GLRA1: variants seen among roughly 807,000 people sequenced by gnomAD.
The protein encoded by GLRA1 is glycine receptor subunit alpha-1.
A neutral mutation model predicts 48.3 loss-of-function variants in GLRA1; 37 were observed. The ratio of observed to expected loss-of-function variants is 0.77; its 90% CI spans 0.59 to 1.01. GLRA1 has a LOEUF of 1.01. Ranked by LOEUF, GLRA1 falls within the 50% of genes least tolerant of loss-of-function variation. The pLI is 0.00. For missense variants in GLRA1, 427 were observed against 571.0 expected (o/e 0.75, Z 2.57); for synonymous variants, 196 against 210.7 (o/e 0.93, Z 0.60).
intron 8 of GLRA1, among the ~76,000 whole-genome samples, chr5:151,824,802 A>G (rs1763230039): frequency 1.3e-5 from 2 of 152,132 alleles, no homozygotes; most frequent in Admixed American, 1.3e-4. Context: ...CTCTTACTAG[A>G]TTATAAGCTC....
At position 151,845,936 on chromosome 5, in the gene GLRA1, C is replaced by G. The variant is rs1283078476; in HGVS notation, c.912+5454G>C. Reference sequence around the variant, plus strand: ...ATGGATGAACCTTGAAAACATTACACTAAATGAAAGAAGCCAATCGTAAAA... The same window carrying G: ...ATGGATGAACCTTGAAAACATTACAGTAAATGAAAGAAGCCAATCGTAAAA... On this transcript the variant is annotated intron_variant, in intron 7 of 8. Coordinates refer to ENST00000274576, the MANE Select transcript of GLRA1 (RefSeq NM_000171.4). Among the ~76,000 whole-genome samples the G allele has an allele frequency of 3.3e-5, 5 of 152,110 alleles. No individual in the cohort carries two copies. The East Asian group carries it at 7.7e-4, about 23-fold the overall frequency.
chr5:151,855,220 A>G (rs759559695), intron 5 of GLRA1, 43 bp from the exon 6 acceptor site: 1 of 1,603,040 alleles, frequency 6.2e-7, no homozygotes, highest in Non-Finnish European at 8.5e-7. Flanking sequence ...ACTCAGAAGC[A>G]CTTGTTTGAA....
At chr5:151,853,519 G>T (rs1398407955) in intron 6 of GLRA1, among the ~76,000 whole-genome samples, 1 of 151,334 alleles carries the variant, frequency 6.6e-6, no homozygotes, top group East Asian at 1.9e-4. Context: ...ACCTCCCAAA[G>T]TGCTGGGATT....
rs1183207242 is a variant in GLRA1, at chr5:151,884,627, A to G, written c.252+2094T>C. ...CTCCAGAGCTGGGCTTTTAATCACC[A>G]TGGGAAGTAAGGCTATATCTTTCTT... On this transcript the variant is annotated intron_variant, in intron 3 of 8. Transcript: ENST00000274576. Among the ~76,000 whole-genome samples the G allele has an allele frequency of 5.3e-5, 8 of 152,304 alleles. No homozygotes were observed. In the South Asian group the frequency reaches 1.5e-3, roughly 28 times the overall value.
chr5:151,824,279 G>A (rs1229729234), intron 8 of GLRA1, among the ~76,000 whole-genome samples: 1 of 151,770 alleles, frequency 6.6e-6, no homozygotes, highest in Non-Finnish European at 1.5e-5. Flanking sequence ...TTACAGGTGT[G>A]AGCCACTGTG....
intron 1 of GLRA1, among the ~76,000 whole-genome samples, chr5:151,916,520 G>T (rs1754746663): frequency 6.6e-6 from 1 of 152,186 alleles, no homozygotes; most frequent in Non-Finnish European, 1.5e-5. Flanking sequence ...CAGGTTAAAG[G>T]GATGGAGAAA....
intron 1 of GLRA1, among the ~76,000 whole-genome samples, chr5:151,901,509 C>T (rs1489664331): frequency 7.9e-5 from 12 of 152,200 alleles, no homozygotes; most frequent in Non-Finnish European, 1.3e-4. Flanking sequence ...ATGCATCCCA[C>T]GAGTTGGACA....
chr5:151,850,108 A>G, intron 7 of GLRA1: 9 of 1,604,172 alleles, frequency 5.6e-6, no homozygotes, highest in Non-Finnish European at 6.0e-6. Flanking sequence ...ACAGATGGGT[A>G]CCACTTTGGT....
intron 4 of GLRA1, among the ~76,000 whole-genome samples, chr5:151,859,329 T>G (rs372776019): frequency 1.7e-4 from 26 of 152,152 alleles, no homozygotes; most frequent in African/African-American, 5.3e-4. Context: ...CTAGACCCAG[T>G]GCAAAGTTTG....
intron 1 of GLRA1, among the ~76,000 whole-genome samples, chr5:151,904,252 T>C (rs1754425158): frequency 1.3e-5 from 2 of 152,186 alleles, no homozygotes; most frequent in African/African-American, 2.4e-5. Flanking sequence ...TTTTACCCTG[T>C]ACCTTCAAGA....
chr5:151,912,134 T>C (rs1754629250), intron 1 of GLRA1, among the ~76,000 whole-genome samples: 1 of 152,168 alleles, frequency 6.6e-6, no homozygotes. Context: ...TACATTTTTT[T>C]CTGGGCCGTA....
intron 1 of GLRA1, among the ~76,000 whole-genome samples, chr5:151,920,699 T>G (rs1465554588): frequency 1.3e-5 from 2 of 152,144 alleles, no homozygotes; most frequent in Non-Finnish European, 2.9e-5. Flanking sequence ...AAATACTTAA[T>G]TTGATGCTAA....
intron 3 of GLRA1, among the ~76,000 whole-genome samples, chr5:151,885,385 T>A (rs1300230743): frequency 6.6e-6 from 1 of 152,176 alleles, no homozygotes; most frequent in Non-Finnish European, 1.5e-5. Flanking sequence ...ACAGTGGTAA[T>A]TGTAAGTGAC....
intron 2 of GLRA1, among the ~76,000 whole-genome samples, chr5:151,889,046 GA>G (rs760953141): frequency 1.2e-4 from 18 of 152,126 alleles, no homozygotes; most frequent in Admixed American, 3.3e-4. Flanking sequence ...CCTATGCCTT[GA>G]AATGATGTGC....
intron 6 of GLRA1, among the ~76,000 whole-genome samples, 174 bp downstream of exon 6, chr5:151,854,866 A>T (rs1282591266): frequency 6.6e-6 from 1 of 152,088 alleles, no homozygotes; most frequent in Non-Finnish European, 1.5e-5. Flanking sequence ...TAAGTTACTC[A>T]CTCCAGGACT....
At chr5:151,881,556 G>A (rs1753764094) in intron 3 of GLRA1, among the ~76,000 whole-genome samples, 1 of 143,638 alleles carries the variant, frequency 7.0e-6, no homozygotes, top group Admixed American at 7.2e-5. Context: ...GGCTGGTCTC[G>A]AACTCCCGGG....
chr5:151,914,615 G>A (rs57525829), intron 1 of GLRA1, among the ~76,000 whole-genome samples: 2,474 of 152,248 alleles, frequency 0.016, 90 homozygotes, highest in African/African-American at 0.057. Context: ...GATTCAGTCA[G>A]AAATTCTCCC....
chr5:151,847,890 A>G lies in GLRA1; in HGVS notation c.912+3500T>C, dbSNP rs151140962. ...GTCTGGTGTTAGAGGTGAATGGAAC[A>G]GAATGTTGTGTCTAGCATAAGGGTG... is the stretch of plus-strand genomic sequence containing the variant. On this transcript the variant is annotated intron_variant, in intron 7 of 8. Coordinates refer to ENST00000274576, the MANE Select transcript of GLRA1 (RefSeq NM_000171.4). Among the ~76,000 whole-genome samples, 640 of 152,354 alleles carry G rather than the reference A, an allele frequency of 4.2e-3. 3 individuals are homozygous for G. The highest frequency in any genetic ancestry group is 6.9e-3 in the Non-Finnish European group (467 of 68,034).
chr5:151,872,248 A>C (rs145208583), intron 3 of GLRA1, among the ~76,000 whole-genome samples: 11 of 149,494 alleles, frequency 7.4e-5, no homozygotes, highest in Admixed American at 1.3e-4. Context: ...GATTTAGGAG[A>C]TGCATATAAA....
Sources: gnomAD v4.1 joint callset for allele counts (sites outside exome capture counted in the v4.1 genomes callset) on GRCh38, gnomAD v4.1.1 for gene constraint, MANE v1.5 for transcripts, NCBI Gene and HGNC (gene_info 2026-07-23, HGNC 2026-07-21) for gene names.